Variants in F5 observed in about 807,000 individuals in gnomAD.
F5 encodes the protein activated protein c cofactor.
Under a neutral mutation model 216.4 loss-of-function variants are expected in F5, and 138 were observed. The observed-to-expected ratio is 0.64, with a 90% CI of 0.56 to 0.73. F5 has a LOEUF of 0.73. Ranked by LOEUF, F5 falls within the 30% of genes least tolerant of loss-of-function variation. F5 has a pLI of 0.00. For synonymous variants in F5, 916 were observed against 930.7 expected (o/e 0.98, Z 0.29); for missense variants, 2,403 against 2,674.0 (o/e 0.90, Z 2.24).
intron 15 of F5, among the ~76,000 whole-genome samples, chr1:169,530,421 T>A (rs916438): frequency 0.4 from 61,010 of 152,106 alleles, 13,250 homozygotes; most frequent in East Asian, 0.9. Flanking sequence ...TTGCAGAATG[T>A]CAGATAAAGG....
At chr1:169,585,591 A>G (rs1224097152) in intron 1 of F5, among the ~76,000 whole-genome samples, 1 of 152,200 alleles carries the variant, frequency 6.6e-6, no homozygotes, top group South Asian at 2.1e-4. Context: ...AGCCAAGGTA[A>G]ACCATATCCC....
intron 19 of F5, among the ~76,000 whole-genome samples, chr1:169,524,241 C>T (rs1240579211): frequency 6.6e-6 from 1 of 152,206 alleles, no homozygotes; most frequent in Non-Finnish European, 1.5e-5. Context: ...TTGATCATGA[C>T]CTCTTGATCT....
chr1:169,542,552 C>T lies in F5; in HGVS notation c.2538G>A (p.Gly846=), dbSNP rs1199377579. 15 of 1,613,888 alleles carry T rather than the reference C, an allele frequency of 9.3e-6. No individual in the cohort carries two copies. Among genetic ancestry groups the T allele is most frequent in the Non-Finnish European group, 1.3e-5 (15 of 1,179,948 alleles). ...IEDPLQPDVT[G]IRLLSLGAGE... is the part of the protein sequence containing the mutation. ...CAGCACCAAGTGAAAGTAGACGTAT[C>T]CCTGTGACATCTGGCTGTAGAGGAT... Residue 846 remains glycine, a synonymous_variant, in exon 13 of 25, where the codon GGG becomes GGA. Transcript: ENST00000367797.
chr1:169,525,198 C>T (rs1474447865), intron 18 of F5, among the ~76,000 whole-genome samples: 3 of 152,040 alleles, frequency 2.0e-5, no homozygotes, highest in African/African-American at 7.2e-5. Flanking sequence ...TATTTTACAA[C>T]ATTAGGTACC....
rs938096759 is a variant in F5 at position 169,515,755 on chromosome 1, G to A, written c.6346-129C>T. On this transcript the variant is annotated intron_variant, in intron 23 of 24. Coordinates refer to ENST00000367797, the MANE Select transcript of F5 (RefSeq NM_000130.5). ...TCTATCTTATCCCTTAGGATTCACA[G>A]TCTCCTAGAAGCTTTCCCTCTTTCT... 53 of 879,992 alleles carry A rather than the reference G, an allele frequency of 6.0e-5. No individual in the cohort carries two copies. In the South Asian group the frequency reaches 6.9e-4, roughly 11 times the overall value. The allele number at this position is 879,992 out of a possible 1,614,324, so 54.5% of individuals were successfully genotyped here. A position where few individuals can be genotyped will look rare whatever the true frequency, so the allele number is the denominator to read the frequency against.
chr1:169,584,109 A>G (rs906294323), intron 1 of F5, among the ~76,000 whole-genome samples: 1 of 152,226 alleles, frequency 6.6e-6, no homozygotes, highest in Non-Finnish European at 1.5e-5. Context: ...CCAGATCTTT[A>G]ATACAGAAAT....
At position 169,560,493 on chromosome 1, in the gene F5, G is replaced by T. The variant is rs1051578160; in HGVS notation, c.586+61C>A. The T allele has an allele frequency of 1.0e-5, 16 of 1,540,108 alleles. No homozygotes were observed. The African/African-American group carries it at 2.2e-4, about 21-fold the overall frequency. On this transcript the variant is annotated intron_variant, in intron 4 of 24. Transcript: ENST00000367797. Reference sequence around the variant, plus strand: ...AAGATGCTCCCAAGCTTTGTCCCATGACAGAACTCCTGACCATTCCAACAT... The same window carrying T: ...AAGATGCTCCCAAGCTTTGTCCCATTACAGAACTCCTGACCATTCCAACAT...
At chr1:169,544,669 A>T in intron 11 of F5, 161 bp from the exon 12 acceptor site, 1 of 668,268 alleles carries the variant, frequency 1.5e-6, no homozygotes, top group Non-Finnish European at 2.6e-6. Flanking sequence ...AGAAGATCAA[A>T]CTCAGAATTT....
At chr1:169,531,357 T>G (rs1337570957) in intron 14 of F5, among the ~76,000 whole-genome samples, 1 of 152,190 alleles carries the variant, frequency 6.6e-6, no homozygotes, top group Non-Finnish European at 1.5e-5. Flanking sequence ...AAGCTCCTGC[T>G]GAAACAGACA....
intron 12 of F5, among the ~76,000 whole-genome samples, chr1:169,543,679 G>A (rs1270281404): frequency 6.6e-6 from 1 of 152,218 alleles, no homozygotes; most frequent in African/African-American, 2.4e-5. Context: ...GAACATCAAA[G>A]ATTTCTTGGT....
intron 9 of F5, 41 bp downstream of exon 9, chr1:169,550,599 G>A: frequency 6.7e-7 from 1 of 1,497,520 alleles, no homozygotes; most frequent in Non-Finnish European, 9.3e-7. Context: ...CAGCCTCTCA[G>A]AAGTTACTAG....
intron 3 of F5, among the ~76,000 whole-genome samples, chr1:169,571,924 C>G (rs1159417675): frequency 6.6e-6 from 1 of 152,122 alleles, no homozygotes; most frequent in Non-Finnish European, 1.5e-5. Context: ...AACCATCTTT[C>G]AATGTATGTA....
chr1:169,553,338 G>A (rs151125638), intron 7 of F5, among the ~76,000 whole-genome samples: 3 of 152,110 alleles, frequency 2.0e-5, no homozygotes, highest in Admixed American at 2.0e-4. Flanking sequence ...ACCTTAGTTT[G>A]CAAAAGCAAC....
At chr1:169,551,279 T>C (rs1660161896) in intron 8 of F5, among the ~76,000 whole-genome samples, 1 of 152,132 alleles carries the variant, frequency 6.6e-6, no homozygotes, top group Non-Finnish European at 1.5e-5. Flanking sequence ...TGAAACCTCA[T>C]CTCTACAAAA....
Position 169,560,617 on chromosome 1 carries a change from G to A in F5, c.523C>T (p.His175Tyr), listed in dbSNP as rs1397052716. The A allele has an allele frequency of 2.5e-6, 4 of 1,613,782 alleles. No homozygotes were observed. The highest frequency in any genetic ancestry group is 3.4e-6 in the Non-Finnish European group (4 of 1,179,812). The change falls in exon 4 of 25, where the codon CAT becomes TAT. Residue 175 changes from histidine (H) to tyrosine (Y), a missense_variant. Physicochemically the swap from His to Tyr is moderately conservative, Grantham distance 83. This residue lies in a region of F5 where 1,425 missense variants were observed against 1,554.8 expected (regional missense o/e 0.92). Transcript: ENST00000367797. ...PPCLTHIYYS[H>Y]ENLIEDFNSG... ...TTGAAATCCTCGATCAGATTTTCATGGGAGTAATAGATGTGTGTGAGGCAT... is the reference window on the plus strand; with the variant it reads ...TTGAAATCCTCGATCAGATTTTCATAGGAGTAATAGATGTGTGTGAGGCAT...
chr1:169,546,677 C>T (rs935562161), intron 10 of F5, 85 bp from the exon 11 acceptor site: 27 of 1,198,568 alleles, frequency 2.3e-5, no homozygotes, highest in East Asian at 7.0e-5. Flanking sequence ...AATAAGGCTG[C>T]GCACCTACAA....
chr1:169,572,751 A>C (rs935551256), intron 2 of F5, among the ~76,000 whole-genome samples: 26 of 152,274 alleles, frequency 1.7e-4, no homozygotes, highest in African/African-American at 6.0e-4. Context: ...ACCTAGATGA[A>C]TTGAGGAACC....
intron 10 of F5, 65 bp downstream of exon 10, chr1:169,549,736 C>T: frequency 8.2e-7 from 1 of 1,215,502 alleles, no homozygotes; most frequent in Non-Finnish European, 1.2e-6. Flanking sequence ...AGCCAGGAGA[C>T]CTAACATGTT....
intron 2 of F5, among the ~76,000 whole-genome samples, chr1:169,574,485 C>T (rs1660797327): frequency 1.3e-5 from 2 of 152,202 alleles, no homozygotes; most frequent in Non-Finnish European, 1.5e-5. Context: ...CCACAAGTGT[C>T]ATGGGATTGG....
Sources: allele counts gnomAD v4.1 joint callset (sites outside exome capture counted in the v4.1 genomes callset), GRCh38; gene constraint gnomAD v4.1.1; regional missense constraint gnomAD v4.1.1; transcripts MANE v1.5; gene names NCBI Gene and HGNC (gene_info 2026-07-23, HGNC 2026-07-21).